The following SYT9 variants were observed in gnomAD, a reference collection of about 807,000 sequenced individuals.
SYT9 encodes synaptotagmin 9.
SYT9 carries 22 observed loss-of-function variants against 48.4 expected under a neutral mutation model. That is an observed-to-expected ratio of 0.45 (90% CI 0.32 to 0.65). The LOEUF (loss-of-function observed/expected upper bound fraction) is 0.65, where lower values mean the gene tolerates loss of function less well. Ranked by LOEUF, SYT9 falls within the 30% of genes least tolerant of loss-of-function variation. The pLI, the probability that SYT9 is intolerant of heterozygous loss-of-function variation, is 0.03. For synonymous variants in SYT9, 265 were observed against 245.0 expected, an observed-to-expected ratio of 1.08 and a Z score of -0.76; for missense variants, 577 against 622.0, an observed-to-expected ratio of 0.93 and a Z score of 0.77.
chr11:7,283,182 C>CAG (rs1329402472), intron 1 of SYT9, among the ~76,000 whole-genome samples: 1 of 150,658 alleles, frequency 6.6e-6, no homozygotes, highest in African/African-American at 2.4e-5. Flanking sequence ...CACACACACA[C>CAG]AGCCTAACAT....
chr11:7,352,741 A>AGGAT (rs1276751329), intron 3 of SYT9, among the ~76,000 whole-genome samples: 1 of 152,210 alleles, frequency 6.6e-6, no homozygotes. Flanking sequence ...AACACAGAGC[A>AGGAT]GGATGCATAC....
intron 3 of SYT9, among the ~76,000 whole-genome samples, chr11:7,316,149 TA>T (rs1849240110): frequency 6.6e-6 from 1 of 151,184 alleles, no homozygotes; most frequent in Admixed American, 6.6e-5. Flanking sequence ...GTATATAATA[TA>T]GTAAATATAA....
intron 6 of SYT9, among the ~76,000 whole-genome samples, chr11:7,425,854 C>A (rs1169383144): frequency 6.6e-6 from 1 of 152,136 alleles, no homozygotes; most frequent in East Asian, 1.9e-4. Flanking sequence ...TGATGAGGTG[C>A]TCCCCCCCAA....
At chr11:7,408,614 T>G (rs982487299) in intron 3 of SYT9, among the ~76,000 whole-genome samples, 8 of 152,242 alleles carry the variant, frequency 5.3e-5, no homozygotes, top group Non-Finnish European at 1.0e-4. Flanking sequence ...GATTACCTTC[T>G]TGATTTCTTT....
intron 1 of SYT9, among the ~76,000 whole-genome samples, chr11:7,290,808 T>C (rs1181284516): frequency 6.6e-6 from 1 of 152,206 alleles, no homozygotes; most frequent in East Asian, 1.9e-4. Context: ...CATCTCATTT[T>C]GTATGTTAGG....
intron 1 of SYT9, among the ~76,000 whole-genome samples, chr11:7,264,039 G>C (rs1484756755): frequency 6.6e-6 from 1 of 152,096 alleles, no homozygotes; most frequent in Non-Finnish European, 1.5e-5. Flanking sequence ...TTCAACAACA[G>C]TTTGTTTATT....
intron 3 of SYT9, among the ~76,000 whole-genome samples, chr11:7,373,848 C>G (rs74053609): frequency 0.035 from 5,294 of 152,088 alleles, 337 homozygotes; most frequent in African/African-American, 0.12. Context: ...TGGGACACTT[C>G]GTTTGGGGGA....
chr11:7,464,798 C>A (rs149901586), intron 6 of SYT9, among the ~76,000 whole-genome samples: 1 of 151,912 alleles, frequency 6.6e-6, no homozygotes, highest in Admixed American at 6.6e-5. Flanking sequence ...TAGAGCTATT[C>A]GGGGCCAGGC....
At chr11:7,373,348 G>C (rs116683484) in intron 3 of SYT9, among the ~76,000 whole-genome samples, 1 of 152,028 alleles carries the variant, frequency 6.6e-6, no homozygotes, top group South Asian at 2.1e-4. Context: ...TCAGCTACAC[G>C]TGTTATTTTA....
At chr11:7,258,481 CTT>C (rs1479566409) in intron 1 of SYT9, among the ~76,000 whole-genome samples, 1 of 152,078 alleles carries the variant, frequency 6.6e-6, no homozygotes, top group East Asian at 1.9e-4. Context: ...TTGCAGATCT[CTT>C]TGAAATCTTC....
At chr11:7,387,504 C>T (rs1046130705) in intron 3 of SYT9, among the ~76,000 whole-genome samples, 1 of 152,088 alleles carries the variant, frequency 6.6e-6, no homozygotes, top group Non-Finnish European at 1.5e-5. Context: ...CATATCATGT[C>T]GTCTAACGAT....
chr11:7,403,973 A>T (rs887710980), intron 3 of SYT9, among the ~76,000 whole-genome samples: 1 of 152,046 alleles, frequency 6.6e-6, no homozygotes, highest in Non-Finnish European at 1.5e-5. Flanking sequence ...AAACATTTAG[A>T]ATTTTTATAC....
chr11:7,257,964 T>C (rs974899483), intron 1 of SYT9, among the ~76,000 whole-genome samples: 1 of 152,124 alleles, frequency 6.6e-6, no homozygotes, highest in African/African-American at 2.4e-5. Context: ...TCTTTCAAAA[T>C]AAACAATCAA....
chr11:7,432,392 C>T (rs1847591993), intron 6 of SYT9, among the ~76,000 whole-genome samples: 1 of 151,034 alleles, frequency 6.6e-6, no homozygotes, highest in South Asian at 2.1e-4. Context: ...ACTAAAAATA[C>T]AAAAATTAGC....
chr11:7,319,592 A>G (rs1031794817), intron 3 of SYT9, among the ~76,000 whole-genome samples: 3 of 152,186 alleles, frequency 2.0e-5, no homozygotes, highest in Admixed American at 6.5e-5. Flanking sequence ...TGCAGCTAGA[A>G]ACAGTAGTTT....
Position 7,434,611 on chromosome 11 carries a change from C to T in SYT9, c.1467+13976C>T, listed in dbSNP as rs117986451. 1.7e-3 allele frequency among the ~76,000 whole-genome samples: 256 copies of T among 152,230 alleles called. 1 individual carries two copies. Among genetic ancestry groups the T allele is most frequent in the Non-Finnish European group, 2.8e-3 (190 of 68,010 alleles). Reference sequence around the variant, plus strand: ...CCAAGGCCCCGTGGCTATGGAAGATCGTATCACATGACCCCAAAGTATGGC... The same window carrying T: ...CCAAGGCCCCGTGGCTATGGAAGATTGTATCACATGACCCCAAAGTATGGC... On this transcript the variant is annotated intron_variant, in intron 6 of 6. Transcript: ENST00000318881.
chr11:7,300,070 A>T (rs1381638218), intron 1 of SYT9, among the ~76,000 whole-genome samples: 1 of 152,058 alleles, frequency 6.6e-6, no homozygotes, highest in Admixed American at 6.5e-5. Flanking sequence ...TTTCTCTCCT[A>T]AAAGTGTCCT....
At chr11:7,405,057 A>G (rs1846976295) in intron 3 of SYT9, among the ~76,000 whole-genome samples, 1 of 151,232 alleles carries the variant, frequency 6.6e-6, no homozygotes, top group Non-Finnish European at 1.5e-5. Flanking sequence ...CCCAGCTGTC[A>G]GTAACACTTC....
chr11:7,456,594 T>C (rs1848153503), intron 6 of SYT9, among the ~76,000 whole-genome samples: 1 of 152,274 alleles, frequency 6.6e-6, no homozygotes, highest in South Asian at 2.1e-4. Context: ...CTAATGTCCA[T>C]TTTATTGTTC....
Sources: gnomAD v4.1 joint callset for allele counts (sites outside exome capture counted in the v4.1 genomes callset) on GRCh38, gnomAD v4.1.1 for gene constraint, MANE v1.5 for transcripts, NCBI Gene and HGNC (gene_info 2026-07-23, HGNC 2026-07-21) for gene names.